RAB37: variants seen among roughly 807,000 people sequenced by gnomAD.
RAB37 encodes ras-related protein Rab-37.
A neutral mutation model predicts 33.1 loss-of-function variants in RAB37; 29 were observed. The ratio of observed to expected loss-of-function variants is 0.88; its 90% CI spans 0.65 to 1.20. The LOEUF is 1.20. RAB37 is among the 50% of genes most tolerant of loss of function. The pLI, the probability that RAB37 is intolerant of heterozygous loss-of-function variation, is 0.00. For synonymous variants in RAB37, 128 were observed against 119.5 expected, an observed-to-expected ratio of 1.07 and a Z score of -0.47; for missense variants, 299 against 301.1, an observed-to-expected ratio of 0.99 and a Z score of 0.05.
chr17:74,708,628 A>G (rs138467314), intron 1 of RAB37, among the ~76,000 whole-genome samples: 1 of 152,244 alleles, frequency 6.6e-6, no homozygotes, highest in Admixed American at 6.5e-5. Flanking sequence ...TAAAAAATCA[A>G]TAAGGAGGCT....
At chr17:74,703,021 C>G in intron 1 of RAB37, 4 of 1,607,428 alleles carry the variant, frequency 2.5e-6, no homozygotes, top group Non-Finnish European at 3.4e-6. Flanking sequence ...ACAGTGGAAC[C>G]AGAGCTGGCT....
At chr17:74,693,277 G>T (rs1169833372) in intron 1 of RAB37, among the ~76,000 whole-genome samples, 3 of 152,256 alleles carry the variant, frequency 2.0e-5, no homozygotes, top group Non-Finnish European at 4.4e-5. Context: ...GCCTTATCTT[G>T]TTAGAAGGAC....
chr17:74,701,528 A>C (rs1038566202), intron 1 of RAB37, among the ~76,000 whole-genome samples: 2 of 152,224 alleles, frequency 1.3e-5, no homozygotes, highest in African/African-American at 2.4e-5. Flanking sequence ...TAAACTTTCA[A>C]ATCAGAGGGT....
chr17:74,723,634 A>G (rs572644172), intron 1 of RAB37, among the ~76,000 whole-genome samples: 1 of 142,420 alleles, frequency 7.0e-6, no homozygotes, highest in African/African-American at 2.6e-5. Context: ...GCTGGAGTGC[A>G]GTGGCGTGGT....
At chr17:74,700,193 TA>T (rs975357347) in intron 1 of RAB37, among the ~76,000 whole-genome samples, 2 of 150,934 alleles carry the variant, frequency 1.3e-5, no homozygotes, top group African/African-American at 4.9e-5. Context: ...ACAATCAAAA[TA>T]AAATAAATAA....
At chr17:74,717,706 G>C (rs1454269089) in intron 1 of RAB37, among the ~76,000 whole-genome samples, 1 of 151,836 alleles carries the variant, frequency 6.6e-6, no homozygotes, top group Non-Finnish European at 1.5e-5. Context: ...CTACTCAGGA[G>C]GCTGAGGCAG....
At position 74,747,291 on chromosome 17, in the gene RAB37, T is replaced by G. The variant is rs2034783652; in HGVS notation, c.*1880T>G. 6.7e-6 allele frequency: 1 copy of G among 150,142 alleles called. No individual in the cohort carries two copies. The highest frequency in any genetic ancestry group is 6.6e-5 in the Admixed American group (1 of 15,132). 9.3% of individuals were successfully genotyped at this position (150,142 alleles called of 1,614,324 possible). A position where few individuals can be genotyped will look rare whatever the true frequency, so the allele number is the denominator to read the frequency against. ...ATCCCATAGACAGCTCTGGGCCTCT[T>G]GCATTTGAGTTTTTCAGAATTAAAC... On this transcript the variant is annotated 3_prime_UTR_variant, in exon 9 of 9. Transcript: ENST00000392613.
At chr17:74,716,296 G>A (rs2034164324) in intron 1 of RAB37, among the ~76,000 whole-genome samples, 1 of 152,140 alleles carries the variant, frequency 6.6e-6, no homozygotes, top group Non-Finnish European at 1.5e-5. Flanking sequence ...ATGTATGTAT[G>A]TGTGTGTGTG....
At chr17:74,732,001 C>T (rs1225557437) in intron 2 of RAB37, among the ~76,000 whole-genome samples, 2 of 151,630 alleles carry the variant, frequency 1.3e-5, no homozygotes, top group South Asian at 4.2e-4. Flanking sequence ...CAGAGTGAGA[C>T]TCCATCTCAA....
intron 3 of RAB37, 25 bp from the exon 4 acceptor site, chr17:74,743,104 A>G (rs2034661317): frequency 6.2e-7 from 1 of 1,607,104 alleles, no homozygotes. Context: ...CCTTCTGACC[A>G]TTTCTCCATC....
intron 1 of RAB37, among the ~76,000 whole-genome samples, chr17:74,688,783 A>G (rs916139700): frequency 2.6e-5 from 4 of 152,188 alleles, no homozygotes; most frequent in Admixed American, 6.5e-5. Flanking sequence ...AAATGAAGAA[A>G]GATTTTGCAA....
intron 1 of RAB37, among the ~76,000 whole-genome samples, chr17:74,677,754 G>A (rs1015178185): frequency 6.6e-6 from 1 of 152,214 alleles, no homozygotes; most frequent in African/African-American, 2.4e-5. Flanking sequence ...GGCAGCTGGT[G>A]TGGGGAGTGG....
At chr17:74,714,502 C>T (rs965423932) in intron 1 of RAB37, among the ~76,000 whole-genome samples, 5 of 151,868 alleles carry the variant, frequency 3.3e-5, no homozygotes, top group African/African-American at 1.2e-4. Context: ...TGACAAGAGG[C>T]GCTTTGTCCT....
At chr17:74,735,047 AAGAAAG>A (rs1488327462), upstream of RAB37, among the ~76,000 whole-genome samples, 12 of 147,314 alleles carry the variant, frequency 8.1e-5, no homozygotes, top group African/African-American at 3.0e-4. Context: ...GAAAGAAAGA[AAGAAAG>A]AAAGAAAGAG....
At chr17:74,724,114 G>A (rs60559871) in intron 1 of RAB37, among the ~76,000 whole-genome samples, 216 of 152,268 alleles carry the variant, frequency 1.4e-3, no homozygotes, top group African/African-American at 4.7e-3. Context: ...GGTTCAGGAC[G>A]TGCCCATGAC....
upstream of RAB37, among the ~76,000 whole-genome samples, chr17:74,734,942 AAGAAAG>A (rs1443640465): frequency 8.6e-6 from 1 of 116,462 alleles, no homozygotes; most frequent in African/African-American, 4.2e-5. Flanking sequence ...AAGAGAAAGA[AAGAAAG>A]AGAGAAAGAA....
chr17:74,677,455 A>G (rs2143464153), intron 1 of RAB37: 1 of 152,356 alleles, frequency 6.6e-6, no homozygotes, highest in Admixed American at 6.5e-5. Flanking sequence ...TGTCCTCAAA[A>G]GAATCCAAAT....
intron 1 of RAB37, among the ~76,000 whole-genome samples, chr17:74,739,441 T>A (rs2034554316): frequency 6.6e-6 from 1 of 152,050 alleles, no homozygotes; most frequent in East Asian, 1.9e-4. Flanking sequence ...ACATGTCCCA[T>A]GTGGGAGGTT....
At chr17:74,687,146 C>A (rs1220708305) in intron 1 of RAB37, among the ~76,000 whole-genome samples, 1 of 152,144 alleles carries the variant, frequency 6.6e-6, no homozygotes. Flanking sequence ...GAGGTACCTT[C>A]AGAAAAACAA....
Sources: gnomAD v4.1 joint callset for allele counts (sites outside exome capture counted in the v4.1 genomes callset) on GRCh38, gnomAD v4.1.1 for gene constraint, MANE v1.5 for transcripts, NCBI Gene and HGNC (gene_info 2026-07-23, HGNC 2026-07-21) for gene names.